Variants in C12orf42 observed in about 807,000 individuals in gnomAD.
C12orf42 encodes chromosome 12 open reading frame 42.
Under a neutral mutation model 21.6 loss-of-function variants are expected in C12orf42, and 25 were observed. That is an observed-to-expected ratio of 1.16 (90% CI 0.84 to 1.62). The LOEUF (loss-of-function observed/expected upper bound fraction) is 1.62, where lower values mean the gene tolerates loss of function less well. Among genes scored for constraint, C12orf42 ranks in the 40% most tolerant of loss-of-function variants. C12orf42 has a pLI of 0.00. For synonymous variants in C12orf42, 174 were observed against 175.0 expected, an observed-to-expected ratio of 0.99 and a Z score of 0.05; for missense variants, 483 against 459.3, an observed-to-expected ratio of 1.05 and a Z score of -0.47.
the C12orf42 span, among the ~76,000 whole-genome samples, chr12:103,205,437 G>A: frequency 2.0e-5 from 3 of 152,170 alleles, no homozygotes; most frequent in African/African-American, 7.2e-5. Context: ...AAAGCCATCA[G>A]ATCTCATGAG....
In C12orf42 at chr12:103,302,500, C is replaced by A. The variant is rs777792769; in HGVS notation, c.691G>T (p.Ala231Ser). 3 of 1,613,316 alleles carry A rather than the reference C, an allele frequency of 1.9e-6. No homozygotes were observed. The highest frequency in any genetic ancestry group is 2.5e-6 in the Non-Finnish European group (3 of 1,179,744). ...GLCRRSQTPG[A>S]LQSTGPSNTE... is the part of the protein sequence containing the mutation. Reference sequence around the variant, plus strand: ...TTACTCGGGCCGGTGCTCTGCAGAGCGCCGGGCGTCTGGCTCCTCCTGCAG... The same window carrying A: ...TTACTCGGGCCGGTGCTCTGCAGAGAGCCGGGCGTCTGGCTCCTCCTGCAG... Residue 231 changes from alanine to serine, a missense_variant, in exon 6 of 6, where the codon GCT (alanine) becomes TCT (serine). Ala to Ser is a moderately conservative substitution (Grantham distance 99). Transcript: ENST00000548883.
At chr12:103,274,494 T>A (rs1008998296) in intron 5 of C12orf42, among the ~76,000 whole-genome samples, 2 of 152,236 alleles carry the variant, frequency 1.3e-5, no homozygotes, top group Admixed American at 6.5e-5. Context: ...TTTCTCAGTC[T>A]ATAGAGCTAG....
chr12:103,397,198 T>C (rs973881025), intron 3 of C12orf42, among the ~76,000 whole-genome samples: 1 of 152,230 alleles, frequency 6.6e-6, no homozygotes, highest in Non-Finnish European at 1.5e-5. Flanking sequence ...ATTTATTCCT[T>C]TAAACTAGTT....
At chr12:103,127,912 A>G in the C12orf42 span, among the ~76,000 whole-genome samples, 1 of 152,358 alleles carries the variant, frequency 6.6e-6, no homozygotes, top group Non-Finnish European at 1.5e-5. Flanking sequence ...TTATTTTCAG[A>G]ATCAGAGAAG....
chr12:103,507,900 A>C, the C12orf42 span, among the ~76,000 whole-genome samples: 1 of 152,136 alleles, frequency 6.6e-6, no homozygotes, highest in Admixed American at 6.5e-5. Context: ...TGACTTCTGG[A>C]GGACGTGGAT....
chr12:103,103,155 G>A, the C12orf42 span, among the ~76,000 whole-genome samples: 1 of 152,144 alleles, frequency 6.6e-6, no homozygotes, highest in South Asian at 2.1e-4. Context: ...AATCAAGGGA[G>A]CCATCATATC....
the C12orf42 span, among the ~76,000 whole-genome samples, chr12:103,057,536 C>A: frequency 6.6e-6 from 1 of 152,084 alleles, no homozygotes; most frequent in East Asian, 1.9e-4. Flanking sequence ...TGATCTCATT[C>A]TTTTTTGTGG....
Position 103,306,280 on chromosome 12 carries a change from C to G in C12orf42, c.325G>C (p.Val109Leu). The G allele has an allele frequency of 6.2e-7, 1 of 1,613,612 alleles. No homozygotes were observed. The highest frequency in any genetic ancestry group is 8.5e-7 in the Non-Finnish European group (1 of 1,179,758). ...ACTGTGCTTACAGAACACCTGGGGA[C>G]TATGTACTGGCAAGTATGAAGTAGT... is the stretch of plus-strand genomic sequence containing the variant. Reference protein sequence around the residue: ...KRLLHTCQYIVPRCSVSTVSF... With the variant: ...KRLLHTCQYILPRCSVSTVSF... The change falls in exon 5 of 6, where the codon GTC (valine) becomes CTC (leucine). Residue 109 changes from valine to leucine, a missense_variant. Val to Leu is a conservative substitution (Grantham distance 32). Transcript: ENST00000548883.
the C12orf42 span, among the ~76,000 whole-genome samples, chr12:103,083,820 A>C: frequency 6.6e-6 from 1 of 152,164 alleles, no homozygotes; most frequent in Non-Finnish European, 1.5e-5. Context: ...ACAATTCTTA[A>C]TGAGTCTTGT....
chr12:103,508,768 C>T, the C12orf42 span, among the ~76,000 whole-genome samples: 2 of 152,176 alleles, frequency 1.3e-5, no homozygotes, highest in African/African-American at 2.4e-5. Context: ...GACAGAAACA[C>T]TTGGTTTCAA....
At chr12:103,323,307 A>G (rs1211615008) in intron 4 of C12orf42, among the ~76,000 whole-genome samples, 4 of 152,188 alleles carry the variant, frequency 2.6e-5, no homozygotes, top group Admixed American at 6.5e-5. Context: ...CCCATCAGAA[A>G]GAAAGACAGA....
At chr12:103,477,326 A>G (rs978154876) in intron 2 of C12orf42, among the ~76,000 whole-genome samples, 8 of 152,020 alleles carry the variant, frequency 5.3e-5, no homozygotes, top group Non-Finnish European at 1.0e-4. Context: ...AAAGTGTTCT[A>G]CTCCAAGAGA....
At chr12:103,138,430 T>C in the C12orf42 span, among the ~76,000 whole-genome samples, 1 of 152,196 alleles carries the variant, frequency 6.6e-6, no homozygotes, top group African/African-American at 2.4e-5. Flanking sequence ...CCTGCTGCCA[T>C]GTGAAGACAT....
downstream of C12orf42, among the ~76,000 whole-genome samples, chr12:103,265,993 C>T (rs1356933042): frequency 6.6e-6 from 1 of 152,068 alleles, no homozygotes; most frequent in Admixed American, 6.6e-5. Flanking sequence ...GCATAATCTA[C>T]CCCTGGATTA....
the C12orf42 span, chr12:103,504,222 C>T: frequency 1.3e-5 from 2 of 153,634 alleles, no homozygotes; most frequent in Admixed American, 1.3e-4. Flanking sequence ...ATGGGACCAC[C>T]CTGATCCAAC....
the C12orf42 span, among the ~76,000 whole-genome samples, chr12:103,123,127 G>A: frequency 1.4e-3 from 213 of 152,296 alleles, 2 homozygotes; most frequent in African/African-American, 4.8e-3. Context: ...GAGATTAGTA[G>A]AGTAAAATTT....
At chr12:103,394,272 T>C (rs1448878046) in intron 3 of C12orf42, among the ~76,000 whole-genome samples, 1 of 152,190 alleles carries the variant, frequency 6.6e-6, no homozygotes, top group Non-Finnish European at 1.5e-5. Flanking sequence ...CTCAAATTAC[T>C]CTCTTATAAA....
intron 2 of C12orf42, among the ~76,000 whole-genome samples, chr12:103,431,984 C>T (rs910820259): frequency 2.0e-5 from 3 of 152,174 alleles, no homozygotes; most frequent in African/African-American, 7.2e-5. Flanking sequence ...GAAGGTCAAG[C>T]AGGCAACCTG....
chr12:103,228,994 A>G, the C12orf42 span, among the ~76,000 whole-genome samples: 1 of 151,898 alleles, frequency 6.6e-6, no homozygotes, highest in Non-Finnish European at 1.5e-5. Flanking sequence ...ACCTCATTCC[A>G]TTCATTCATT....
Sources: allele counts gnomAD v4.1 joint callset (sites outside exome capture counted in the v4.1 genomes callset), GRCh38; gene constraint gnomAD v4.1.1; transcripts MANE v1.5; gene names NCBI Gene and HGNC (gene_info 2026-07-23, HGNC 2026-07-21).